WDR13: variants seen among roughly 807,000 people sequenced by gnomAD.
The protein encoded by WDR13 is WD repeat-containing protein 13.
In WDR13, 1 loss-of-function variant was observed where a neutral mutation model predicts 28.6. The observed-to-expected ratio is 0.03, with a 90% CI of 0.01 to 0.17. The LOEUF (loss-of-function observed/expected upper bound fraction) is 0.17, where lower values mean the gene tolerates loss of function less well. WDR13 is among the 10% of genes least tolerant of loss of function. WDR13 has a pLI of 1.00. For synonymous variants in WDR13, 201 were observed against 185.9 expected (o/e 1.08, Z -0.66); for missense variants, 264 against 469.3 (o/e 0.56, Z 4.04).
Position 48,598,147 on chromosome X carries a change from C to T in WDR13, c.41+110C>T, listed in dbSNP as rs781976442. 16 of 1,141,168 alleles carry T rather than the reference C, an allele frequency of 1.4e-5. No homozygotes were observed. The Middle Eastern group carries it at 7.2e-4, about 52-fold the overall frequency. The allele number at this position is 1,141,168 out of a possible 1,213,427, so 94.0% of individuals were successfully genotyped here. On this transcript the variant is annotated intron_variant, in intron 2 of 9. Transcript: ENST00000376729. ...TGCCTTATGCGGCTGCGTGGGCATG[C>T]CGGAGGTGAGCATGCGCAGTAGCGG...
rs1347683208 is a variant in WDR13, at chrX:48,608,104, C to T, written c.*3072C>T. 9.3e-6 allele frequency: 1 copy of T among 107,089 alleles called. No individual in the cohort carries two copies. Among genetic ancestry groups the T allele is most frequent in the East Asian group, 2.9e-4 (1 of 3,470 alleles). 8.8% of individuals were successfully genotyped at this position (107,089 alleles called of 1,213,427 possible). ...ATACAAACAGCTTAGGTAGAGTAAG[C>T]CATTCTTTTTTTTCTTTCTTTCTTT... On this transcript the variant is annotated 3_prime_UTR_variant, in exon 10 of 10. Coordinates refer to ENST00000376729, the MANE Select transcript of WDR13 (RefSeq NM_001347217.2).
intron 1 of WDR13, 141 bp downstream of exon 1, chrX:48,597,755 TC>T: frequency 2.6e-6 from 1 of 389,315 alleles, no homozygotes; most frequent in South Asian, 5.8e-5. Context: ...AGGGGCGGTG[TC>T]TGTTCTGAAT....
chrX:48,603,737 G>A (rs1186298434), intron 8 of WDR13, among the ~76,000 whole-genome samples: 2 of 111,451 alleles, frequency 1.8e-5, no homozygotes, highest in African/African-American at 3.3e-5. Flanking sequence ...CAGGTTACCT[G>A]TGGGGACAGT....
At chrX:48,597,761 C>G in intron 1 of WDR13, 147 bp downstream of exon 1, 1 of 427,938 alleles carries the variant, frequency 2.3e-6, no homozygotes, top group African/African-American at 2.6e-5. Flanking sequence ...GGTGTCTGTT[C>G]TGAATCGCTG....
At chrX:48,601,297 A>G (rs2062183995) in intron 6 of WDR13, among the ~76,000 whole-genome samples, 1 of 112,800 alleles carries the variant, frequency 8.9e-6, no homozygotes, top group Non-Finnish European at 1.9e-5. Context: ...CCACCGTGTC[A>G]GACTCCAGGG....
Position 48,600,455 on chromosome X carries a change from C to A in WDR13, c.660C>A (p.Val220=). 8.2e-7 allele frequency: 1 copy of A among 1,212,539 alleles called. No homozygotes were observed. Among genetic ancestry groups the A allele is most frequent in the Non-Finnish European group, 1.1e-6 (1 of 895,720 alleles). ...TGCTACGGGGCCACACCCGTGGTGT[C>A]TCCGACTTCGCCTGGTCCCTCTCCA... ...LRVLRGHTRG[V]SDFAWSLSND... is the part of the protein sequence containing the mutation. The change falls in exon 6 of 10, where the codon GTC becomes GTA. Residue 220 remains valine, a synonymous_variant. Transcript: ENST00000376729.
At position 48,601,914 on chromosome X, in the gene WDR13, C is replaced by T. The variant is rs1163033477; in HGVS notation, c.962C>T (p.Ala321Val). 1.0e-5 allele frequency: 12 copies of T among 1,198,367 alleles called. No individual in the cohort carries two copies. The highest frequency in any genetic ancestry group is 6.7e-5 in the Admixed American group (3 of 44,761). The change falls in exon 7 of 10, where the codon GCG becomes GTG. Residue 321 changes from alanine to valine, a missense_variant. This residue lies in a region of WDR13 where 157 missense variants were observed against 270.2 expected (regional missense o/e 0.58). Transcript: ENST00000376729. ...GATGCCCCTGGCCGGCTGCTCTGGG[C>T]GGGTGATGACCGTGGCAGTGTCTTC... is the stretch of plus-strand genomic sequence containing the variant. Reference protein sequence around the residue: ...SFDAPGRLLWAGDDRGSVFSF... With the variant: ...SFDAPGRLLWVGDDRGSVFSF...
At position 48,600,377 on chromosome X, in the gene WDR13, C is replaced by T. The variant is rs782080281; in HGVS notation, c.582C>T (p.Asp194=). The stretch of plus-strand genomic sequence containing the variant: ...ACCGCCTGGCCTGCTGCTCACTCGA[C>T]GGCAGCATCTCCCTGTGCCAGCTGG... The part of the protein sequence containing the change: ...DRHRLACCSL[D]GSISLCQLVP... Residue 194 remains aspartate (D), a synonymous_variant, in exon 6 of 10, where the codon GAC becomes GAT. Transcript: ENST00000376729. 19 of 1,208,965 alleles carry T rather than the reference C, an allele frequency of 1.6e-5. No homozygotes were observed. Among genetic ancestry groups the T allele is most frequent in the Middle Eastern group, 2.3e-4 (1 of 4,358 alleles).
chrX:48,598,693 C>G, intron 2 of WDR13, 24 bp from the exon 3 acceptor site: 2 of 1,005,161 alleles, frequency 2.0e-6, no homozygotes, highest in Non-Finnish European at 2.6e-6. Context: ...TGCCTGCTGC[C>G]TGCCCTGCAT....
At chrX:48,600,957 T>G (rs1556994354) in intron 6 of WDR13, among the ~76,000 whole-genome samples, 1 of 111,435 alleles carries the variant, frequency 9.0e-6, no homozygotes, top group East Asian at 2.8e-4. Context: ...TAGCCGGGCA[T>G]GGTGGCGGGC....
intron 1 of WDR13, 93 bp from the exon 2 acceptor site, chrX:48,597,865 G>A: frequency 9.5e-7 from 1 of 1,049,613 alleles, no homozygotes; most frequent in Non-Finnish European, 1.3e-6. Context: ...GGCGCGGAGG[G>A]ACTCGATGTC....
Position 48,599,232 on chromosome X carries a change from G to C in WDR13, c.283-121G>C, listed in dbSNP as rs1602143780. On this transcript the variant is annotated intron_variant, in intron 3 of 9. Coordinates refer to ENST00000376729, the MANE Select transcript of WDR13 (RefSeq NM_001347217.2). ...TGCAGTAGTACAAGTGGGCAGCGGT[G>C]GTGGTGGCAGGGGACACAGTGAGAA... The C allele has an allele frequency of 7.9e-6, 5 of 635,803 alleles. No homozygotes were observed. In the East Asian group the frequency reaches 1.8e-4, roughly 23 times the overall value. 52.4% of individuals were successfully genotyped at this position (635,803 alleles called of 1,213,427 possible). A position where few individuals can be genotyped will look rare whatever the true frequency, so the allele number is the denominator to read the frequency against.
At chrX:48,602,242 A>G (rs782576231) in intron 8 of WDR13, 36 bp downstream of exon 8, 2 of 1,181,232 alleles carry the variant, frequency 1.7e-6, no homozygotes, top group Non-Finnish European at 2.3e-6. Flanking sequence ...GAGACGGAGG[A>G]CCTGCCTCCT....
rs1373958570 is a variant in WDR13, at chrX:48,599,692, T to G, written c.498T>G (p.Val166=). 4 of 1,211,531 alleles carry G rather than the reference T, an allele frequency of 3.3e-6. No homozygotes were observed. The highest frequency in any genetic ancestry group is 2.2e-5 in the Admixed American group (1 of 45,952). ...ENYAFAGMYH[V]FDQHVDEAVP... is the part of the protein sequence containing the mutation. ...ATGCCTTTGCGGGCATGTATCATGT[T>G]TTTGACCAGCACGTGGATGAGGCAG... Residue 166 remains valine, a synonymous_variant, in exon 5 of 10, where the codon GTT becomes GTG. Coordinates refer to ENST00000376729, the MANE Select transcript of WDR13 (RefSeq NM_001347217.2).
intron 8 of WDR13, 77 bp from the exon 9 acceptor site, chrX:48,604,195 G>A: frequency 1.1e-6 from 1 of 932,375 alleles, no homozygotes; most frequent in Non-Finnish European, 1.5e-6. Flanking sequence ...TAGGCACAGG[G>A]GTGGGGACAC....
chrX:48,604,949 G>A lies in WDR13; in HGVS notation c.1375G>A (p.Val459Ile). Reference protein sequence around the residue: ...LQGHSAPVLDVSFNCDESLLA... With the variant: ...LQGHSAPVLDISFNCDESLLA... ...GGGCCACAGTGCACCTGTGCTTGAT[G>A]TCAGCTTCAACTGCGACGAGAGCCT... is the stretch of plus-strand genomic sequence containing the variant. Residue 459 changes from valine (V) to isoleucine (I), a missense_variant, in exon 10 of 10, where the codon GTC becomes ATC. Transcript: ENST00000376729. 1 of 1,211,969 alleles carries A rather than the reference G, an allele frequency of 8.3e-7. No homozygotes were observed.
Position 48,599,368 on chromosome X carries a change from C to T in WDR13, c.298C>T (p.Pro100Ser), listed in dbSNP as rs139867708. The T allele has an allele frequency of 3.3e-6, 4 of 1,197,283 alleles. No individual in the cohort carries two copies. The African/African-American group carries it at 7.0e-5, about 21-fold the overall frequency. The part of the protein sequence containing the change: ...LDRMEDFEDD[P>S]RALGARGHRR... ...CCATTTGCAGGACTTTGAGGATGAT[C>T]CTCGGGCCCTGGGGGCCCGTGGGCA... The change falls in exon 4 of 10, where the codon CCT (proline) becomes TCT (serine). Residue 100 changes from proline to serine, a missense_variant. Pro to Ser is a moderately conservative substitution (Grantham distance 74, BLOSUM62 -1). Transcript: ENST00000376729.
At position 48,598,650 on chromosome X, in the gene WDR13, C is replaced by CG. The variant is rs1323014193; in HGVS notation, c.42-67_42-66insG. The CG allele has an allele frequency of 2.1e-5, 18 of 866,727 alleles. No homozygotes were observed. The African/African-American group carries it at 4.3e-4, about 21-fold the overall frequency. The allele number at this position is 866,727 out of a possible 1,213,427, so 71.4% of individuals were successfully genotyped here. ...CACACCTCACTCTCCTGCCGTACCC[C>CG]CCCCCCCGAGCTGATTGATTCCCTC... On this transcript the variant is annotated intron_variant, in intron 2 of 9. Coordinates refer to ENST00000376729, the MANE Select transcript of WDR13 (RefSeq NM_001347217.2).
chrX:48,598,653 C>T lies in WDR13; in HGVS notation c.42-64C>T, dbSNP rs1162847204. On this transcript the variant is annotated intron_variant, in intron 2 of 9. Transcript: ENST00000376729. ...ACCTCACTCTCCTGCCGTACCCCCC[C>T]CCCCGAGCTGATTGATTCCCTCTGT... is the stretch of plus-strand genomic sequence containing the variant. 2.9e-5 allele frequency: 28 copies of T among 965,477 alleles called. 1 individual carries two copies. Among genetic ancestry groups the T allele is most frequent in the Middle Eastern group, 8.5e-4 (2 of 2,358 alleles). The allele number at this position is 965,477 out of a possible 1,213,427, so 79.6% of individuals were successfully genotyped here. A position where few individuals can be genotyped will look rare whatever the true frequency, so the allele number is the denominator to read the frequency against.
Sources: allele counts gnomAD v4.1 joint callset (sites outside exome capture counted in the v4.1 genomes callset), GRCh38; gene constraint gnomAD v4.1.1; regional missense constraint gnomAD v4.1.1; transcripts MANE v1.5; gene names NCBI Gene and HGNC (gene_info 2026-07-23, HGNC 2026-07-21).